Variants in WNK3 observed in about 807,000 individuals in gnomAD.
WNK3 encodes the protein WNK lysine deficient protein kinase 3.
Under a neutral mutation model 116.7 loss-of-function variants are expected in WNK3, and 18 were observed. The ratio of observed to expected loss-of-function variants is 0.15; its 90% CI spans 0.11 to 0.23. The LOEUF (loss-of-function observed/expected upper bound fraction) is 0.23, where lower values mean the gene tolerates loss of function less well. WNK3 is among the 10% of genes least tolerant of loss of function. WNK3 has a pLI of 1.00. For missense variants in WNK3, 993 were observed against 1,323.8 expected (o/e 0.75, Z 3.88); for synonymous variants, 404 against 469.4 (o/e 0.86, Z 1.80).
chrX:54,341,735 T>C (rs2069328350), intron 1 of WNK3, among the ~76,000 whole-genome samples: 1 of 111,657 alleles, frequency 9.0e-6, no homozygotes, highest in Admixed American at 9.6e-5. Context: ...ATATGAAATG[T>C]CCAGAAAATA....
rs182721591 is a variant in WNK3, at chrX:54,224,081, C to A, written c.4870+4633G>T. Reference sequence around the variant, plus strand: ...TTAAGAACTTCCCATTGGCCAGGCGCAGTGGCTCACGCCTGTAATCCCAGC... The same window carrying A: ...TTAAGAACTTCCCATTGGCCAGGCGAAGTGGCTCACGCCTGTAATCCCAGC... On this transcript the variant is annotated intron_variant, in intron 22 of 23. Transcript: ENST00000354646. The A allele has an allele frequency of 2.4e-3, 279 of 117,347 alleles. 1 individual carries two copies. The highest frequency in any genetic ancestry group is 7.0e-3 in the African/African-American group (216 of 31,005). The allele number at this position is 117,347 out of a possible 1,213,427, so 9.7% of individuals were successfully genotyped here.
chrX:54,223,557 C>G (rs191514826), intron 22 of WNK3: 2 of 114,416 alleles, frequency 1.7e-5, no homozygotes, highest in East Asian at 5.4e-4. Context: ...GAAAGTGCCT[C>G]CTGCAAATAA....
chrX:54,205,872 C>T (rs998063945), intron 22 of WNK3, among the ~76,000 whole-genome samples: 1 of 111,570 alleles, frequency 9.0e-6, no homozygotes, highest in African/African-American at 3.3e-5. Flanking sequence ...AACATATTAA[C>T]TTCAAATGTG....
chrX:54,331,598 C>A (rs1184860916), intron 2 of WNK3, among the ~76,000 whole-genome samples: 1 of 110,869 alleles, frequency 9.0e-6, no homozygotes. Flanking sequence ...CATGCACATA[C>A]CTTTCGAGGC....
chrX:54,307,297 A>G (rs1344059686), intron 5 of WNK3, among the ~76,000 whole-genome samples: 1 of 111,253 alleles, frequency 9.0e-6, no homozygotes, highest in Non-Finnish European at 1.9e-5. Flanking sequence ...ACCTGAAACA[A>G]TCTTTCACAG....
chrX:54,329,162 T>A (rs1421604993), intron 2 of WNK3, among the ~76,000 whole-genome samples: 4 of 112,258 alleles, frequency 3.6e-5, no homozygotes, highest in African/African-American at 1.3e-4. Context: ...TAACTGTGCA[T>A]ACAAATCACT....
intron 2 of WNK3, among the ~76,000 whole-genome samples, chrX:54,321,456 G>A (rs1365970645): frequency 9.0e-6 from 1 of 111,395 alleles, no homozygotes; most frequent in Non-Finnish European, 1.9e-5. Flanking sequence ...ATGGCAATGA[G>A]TGCAGATATC....
At position 54,327,557 on chromosome X, in the gene WNK3, A is replaced by T. The variant is rs184697711; in HGVS notation, c.537+5580T>A. Among the ~76,000 whole-genome samples the T allele has an allele frequency of 1.2e-3, 131 of 111,682 alleles. 1 individual carries two copies. The highest frequency in any genetic ancestry group is 2.1e-3 in the Non-Finnish European group (114 of 53,097). On this transcript the variant is annotated intron_variant, in intron 2 of 23. Coordinates refer to ENST00000354646, the Ensembl canonical transcript of WNK3. ...AATCAAACACGCAAAAATAAAATTT[A>T]AAAAAAAGAAAAGTACCAGGTACAG...
chrX:54,200,194 C>T (rs1557141328), intron 23 of WNK3, among the ~76,000 whole-genome samples: 1 of 112,009 alleles, frequency 8.9e-6, no homozygotes, highest in Admixed American at 9.5e-5. Flanking sequence ...ATTACGGTTG[C>T]AATTTTATAT....
chrX:54,291,035 C>T (rs1187127520), intron 10 of WNK3, among the ~76,000 whole-genome samples: 3 of 111,387 alleles, frequency 2.7e-5, no homozygotes, highest in Admixed American at 9.6e-5. Flanking sequence ...AGTTGTTGGC[C>T]GGGCACGGTG....
chrX:54,327,736 CT>C (rs1464353600), intron 2 of WNK3, among the ~76,000 whole-genome samples: 6 of 109,889 alleles, frequency 5.5e-5, no homozygotes, highest in African/African-American at 2.0e-4. Flanking sequence ...AATCCCAGCA[CT>C]TTGGGAGGCC....
exon 24 of WNK3, chrX:54,194,690 G>A (rs1298927323): frequency 9.0e-6 from 1 of 111,025 alleles, no homozygotes; most frequent in Non-Finnish European, 1.9e-5. Context: ...GGCTAGCACT[G>A]GGAAAAAAGA....
chrX:54,357,280 C>T (rs782342153), intron 1 of WNK3, among the ~76,000 whole-genome samples: 3 of 110,097 alleles, frequency 2.7e-5, no homozygotes, highest in Non-Finnish European at 3.8e-5. Flanking sequence ...CTGTATCCTC[C>T]TCACCTTCCC....
chrX:54,313,353 T>C (rs2068909053), intron 2 of WNK3, among the ~76,000 whole-genome samples: 1 of 99,250 alleles, frequency 1.0e-5, no homozygotes, highest in Non-Finnish European at 1.9e-5. Flanking sequence ...AACTCCTCTG[T>C]ATTTTTTTTT....
chrX:54,195,035 A>T (rs781958811), exon 24 of WNK3: 16 of 112,008 alleles, frequency 1.4e-4, no homozygotes, highest in African/African-American at 4.8e-4. Context: ...ACAGCAAATT[A>T]CCTTAAATAG....
chrX:54,344,428 A>C lies in WNK3; in HGVS notation c.-119-10636T>G, dbSNP rs782716466. 9.0e-5 allele frequency among the ~76,000 whole-genome samples: 10 copies of C among 110,649 alleles called. No individual in the cohort carries two copies. In the South Asian group the frequency reaches 3.8e-3, roughly 42 times the overall value. ...GCACTCCAGCCTGGGTGACAGAGCG[A>C]GACTCCGTCTCAAAAGAAAAAAAAA... On this transcript the variant is annotated intron_variant, in intron 1 of 23. Coordinates refer to ENST00000354646, the Ensembl canonical transcript of WNK3.
At chrX:54,227,883 T>C (rs2067859967) in intron 22 of WNK3, among the ~76,000 whole-genome samples, 1 of 111,979 alleles carries the variant, frequency 8.9e-6, no homozygotes, top group African/African-American at 3.2e-5. Context: ...AATCTTATTT[T>C]ATTTTATTTA....
At chrX:54,336,032 G>A (rs1034204761) in intron 1 of WNK3, among the ~76,000 whole-genome samples, 1 of 112,395 alleles carries the variant, frequency 8.9e-6, no homozygotes, top group Non-Finnish European at 1.9e-5. Context: ...GCTCACGCCT[G>A]CAATCTTAGC....
exon 17 of WNK3, chrX:54,249,116 G>C: frequency 8.3e-7 from 1 of 1,211,786 alleles, no homozygotes; most frequent in African/African-American, 1.7e-5. Context: ...CCAGGGGTCT[G>C]AGTGGGAATG....
Sources: gnomAD v4.1 joint callset for allele counts (sites outside exome capture counted in the v4.1 genomes callset) on GRCh38, gnomAD v4.1.1 for gene constraint, MANE v1.5 for transcripts, NCBI Gene and HGNC (gene_info 2026-07-23, HGNC 2026-07-21) for gene names.